Variants in LMNTD1 observed in about 807,000 individuals in gnomAD.
The protein encoded by LMNTD1 is lamin tail domain-containing protein 1.
A neutral mutation model predicts 50.9 loss-of-function variants in LMNTD1; 35 were observed. That is an observed-to-expected ratio of 0.69 (90% CI 0.53 to 0.91). The LOEUF is 0.91. Among genes scored for constraint, LMNTD1 ranks in the 40% least tolerant of loss-of-function variants. The probability of loss-of-function intolerance (pLI) is 0.00; values close to 1 mark genes in which losing one functional copy is unlikely to be tolerated. For missense variants in LMNTD1, 470 were observed against 475.5 expected (o/e 0.99, Z 0.11); for synonymous variants, 153 against 161.9 (o/e 0.94, Z 0.42).
At chr12:25,528,852 C>T (rs948384648) in intron 4 of LMNTD1, among the ~76,000 whole-genome samples, 12 of 152,074 alleles carry the variant, frequency 7.9e-5, no homozygotes, top group African/African-American at 2.7e-4. Flanking sequence ...TACCTATTTC[C>T]CCCAAATAGG....
intron 9 of LMNTD1, among the ~76,000 whole-genome samples, chr12:25,489,009 G>A (rs1261142759): frequency 6.6e-6 from 1 of 152,108 alleles, no homozygotes; most frequent in Non-Finnish European, 1.5e-5. Flanking sequence ...CTGTGTGCTG[G>A]GAGAACCACT....
chr12:25,613,583 G>A (rs776424965), intron 1 of LMNTD1, among the ~76,000 whole-genome samples: 1 of 152,162 alleles, frequency 6.6e-6, no homozygotes, highest in African/African-American at 2.4e-5. Context: ...ATGTAAATGA[G>A]CCTCATTTGA....
chr12:25,498,741 C>G (rs1437914800), intron 9 of LMNTD1, among the ~76,000 whole-genome samples: 1 of 152,098 alleles, frequency 6.6e-6, no homozygotes, highest in African/African-American at 2.4e-5. Flanking sequence ...GAAATGGTGA[C>G]AGTAAAGTCC....
intron 8 of LMNTD1, among the ~76,000 whole-genome samples, chr12:25,513,105 C>T (rs1038997885): frequency 1.3e-5 from 2 of 152,162 alleles, no homozygotes; most frequent in Admixed American, 6.5e-5. Context: ...TCAGAACATT[C>T]CCCCAAATTT....
In LMNTD1 at chr12:25,627,689, T is replaced by C. The variant is rs74070582; in HGVS notation, c.58+20805A>G. On this transcript the variant is annotated intron_variant, in intron 1 of 7. Transcript: ENST00000445693. The stretch of plus-strand genomic sequence containing the variant: ...CAGGACACATTATCCATAAATTAAC[T>C]AAAGGTGCATATGTTTATTCCACAA... Among the ~76,000 whole-genome samples the C allele has an allele frequency of 2.7e-3, 414 of 152,318 alleles. 5 individuals carry two copies. The highest frequency in any genetic ancestry group is 9.6e-3 in the African/African-American group (398 of 41,568).
intron 1 of LMNTD1, among the ~76,000 whole-genome samples, chr12:25,619,020 G>A (rs1393553025): frequency 1.3e-5 from 2 of 152,138 alleles, no homozygotes; most frequent in Non-Finnish European, 1.5e-5. Context: ...GCCATTGTAA[G>A]AGCATTCTAT....
intron 1 of LMNTD1, among the ~76,000 whole-genome samples, chr12:25,597,116 T>C (rs11533431): frequency 0.28 from 42,483 of 151,720 alleles, 7,468 homozygotes; most frequent in East Asian, 0.8. Flanking sequence ...GAAAATAATC[T>C]TCACTAAAAG....
At chr12:25,598,404 A>C (rs1437695659) in intron 1 of LMNTD1, among the ~76,000 whole-genome samples, 2 of 152,052 alleles carry the variant, frequency 1.3e-5, no homozygotes, top group Non-Finnish European at 1.5e-5. Context: ...TCAAAAAAAG[A>C]AGAAAAATTT....
intron 1 of LMNTD1, among the ~76,000 whole-genome samples, chr12:25,573,104 G>A (rs1592047407): frequency 6.6e-6 from 1 of 151,810 alleles, no homozygotes; most frequent in Admixed American, 6.6e-5. Flanking sequence ...CCAACTCCCC[G>A]ACCTCCTGTC....
chr12:25,604,501 C>T (rs920029857), intron 1 of LMNTD1, among the ~76,000 whole-genome samples: 1 of 151,948 alleles, frequency 6.6e-6, no homozygotes, highest in Non-Finnish European at 1.5e-5. Context: ...CTCCCCACTC[C>T]CCCCACCCCA....
intron 3 of LMNTD1, among the ~76,000 whole-genome samples, chr12:25,549,021 A>G (rs1943596345): frequency 6.6e-6 from 1 of 151,944 alleles, no homozygotes; most frequent in African/African-American, 2.4e-5. Context: ...ATACATTGGA[A>G]TTTTTAATTC....
intron 8 of LMNTD1, among the ~76,000 whole-genome samples, chr12:25,511,641 GACTATTAACTATA>G (rs1940303487): frequency 6.6e-6 from 1 of 152,086 alleles, no homozygotes; most frequent in Non-Finnish European, 1.5e-5. Flanking sequence ...AACTATATGA[GACTATTAACTATA>G]ACTATTAACT....
chr12:25,477,181 T>C (rs1303632461), intron 9 of LMNTD1, among the ~76,000 whole-genome samples: 1 of 152,180 alleles, frequency 6.6e-6, no homozygotes, highest in African/African-American at 2.4e-5. Context: ...ATTATTATTA[T>C]TTTTTAAAAG....
intron 1 of LMNTD1, among the ~76,000 whole-genome samples, chr12:25,632,806 G>A (rs936974913): frequency 1.3e-5 from 2 of 151,996 alleles, no homozygotes; most frequent in Non-Finnish European, 2.9e-5. Context: ...TGAATGCAAC[G>A]GTACCTCATA....
At chr12:25,582,635 C>G (rs967357143) in intron 1 of LMNTD1, among the ~76,000 whole-genome samples, 1 of 152,100 alleles carries the variant, frequency 6.6e-6, no homozygotes, top group African/African-American at 2.4e-5. Flanking sequence ...AATATGACAA[C>G]CTAAATTTGA....
intron 9 of LMNTD1, among the ~76,000 whole-genome samples, chr12:25,477,699 T>G (rs1375932093): frequency 6.6e-6 from 1 of 152,144 alleles, no homozygotes; most frequent in Non-Finnish European, 1.5e-5. Flanking sequence ...TGATTTGTAG[T>G]TCTGCCTGGA....
At chr12:25,546,837 T>C (rs1943464226) in intron 3 of LMNTD1, among the ~76,000 whole-genome samples, 1 of 151,644 alleles carries the variant, frequency 6.6e-6, no homozygotes, top group South Asian at 2.1e-4. Flanking sequence ...TAACTGATTA[T>C]TTAGTTGTAC....
chr12:25,602,172 T>G (rs1945995113), intron 1 of LMNTD1, among the ~76,000 whole-genome samples: 1 of 151,940 alleles, frequency 6.6e-6, no homozygotes, highest in Non-Finnish European at 1.5e-5. Context: ...TCTTTTAGCC[T>G]CTTCATAAAT....
chr12:25,530,716 ACT>A (rs905847953), intron 4 of LMNTD1, among the ~76,000 whole-genome samples: 3 of 151,854 alleles, frequency 2.0e-5, no homozygotes, highest in African/African-American at 7.3e-5. Flanking sequence ...TATTGTGTTA[ACT>A]CTTTTTAGAC....
Sources: gnomAD v4.1 joint callset for allele counts (sites outside exome capture counted in the v4.1 genomes callset) on GRCh38, gnomAD v4.1.1 for gene constraint, MANE v1.5 for transcripts, NCBI Gene and HGNC (gene_info 2026-07-23, HGNC 2026-07-21) for gene names.